Variants in PHACTR1 observed in about 807,000 individuals in gnomAD.
The protein encoded by PHACTR1 is RPEL repeat containing 1.
Under a neutral mutation model 69.2 loss-of-function variants are expected in PHACTR1, and 16 were observed. The observed-to-expected ratio is 0.23, with a 90% confidence interval of 0.16 to 0.35. The LOEUF is 0.35. PHACTR1 is among the 10% of genes least tolerant of loss of function. The pLI is 1.00. For synonymous variants in PHACTR1, 312 were observed against 284.5 expected, an observed-to-expected ratio of 1.10 and a Z score of -0.97; for missense variants, 510 against 734.7, an observed-to-expected ratio of 0.69 and a Z score of 3.54.
intron 4 of PHACTR1, among the ~76,000 whole-genome samples, chr6:12,776,253 T>C (rs1372844373): frequency 6.6e-6 from 1 of 152,212 alleles, no homozygotes; most frequent in Non-Finnish European, 1.5e-5. Flanking sequence ...TTTTCCTTGT[T>C]GATAGAAGAA....
In PHACTR1 at chr6:12,959,743, C is replaced by A. The variant is rs142477259; in HGVS notation, c.251-93622C>A. 6.0e-4 allele frequency among the ~76,000 whole-genome samples: 91 copies of A among 152,304 alleles called. No individual in the cohort carries two copies. In the East Asian group the frequency reaches 0.016, roughly 27 times the overall value. Reference sequence around the variant, plus strand: ...CAAGGCTCTTTAGTGCCTCCCAAATCACAGAAGATAACAAGATGCTCAAAA... The same window carrying A: ...CAAGGCTCTTTAGTGCCTCCCAAATAACAGAAGATAACAAGATGCTCAAAA... On this transcript the variant is annotated intron_variant, in intron 4 of 14. Transcript: ENST00000332995.
Position 13,042,865 on chromosome 6 carries a change from G to A in PHACTR1, c.251-10500G>A, listed in dbSNP as rs541656846. The stretch of plus-strand genomic sequence containing the variant: ...GTCTGTATTATCCCCATTTTACAGA[G>A]AGGAAGCCGATGGGACTTTCCTAAG... On this transcript the variant is annotated intron_variant, in intron 4 of 14. Coordinates refer to ENST00000332995, the MANE Select transcript of PHACTR1 (RefSeq NM_030948.6). Among the ~76,000 whole-genome samples, 3 of 152,310 alleles carry A rather than the reference G, an allele frequency of 2.0e-5. No individual in the cohort carries two copies. In the East Asian group the frequency reaches 5.8e-4, roughly 29 times the overall value.
chr6:13,226,132 T>C (rs1424734334), intron 8 of PHACTR1, among the ~76,000 whole-genome samples: 2 of 152,266 alleles, frequency 1.3e-5, no homozygotes, highest in African/African-American at 4.8e-5. Flanking sequence ...GATTTAATCC[T>C]ATTCAGTAGT....
chr6:12,751,369 T>C (rs1035015091), intron 4 of PHACTR1, among the ~76,000 whole-genome samples: 5 of 152,216 alleles, frequency 3.3e-5, no homozygotes, highest in Non-Finnish European at 4.4e-5. Context: ...TACTTCTATG[T>C]TTCAGATTCA....
intron 4 of PHACTR1, among the ~76,000 whole-genome samples, chr6:12,758,886 G>A (rs1363340725): frequency 6.6e-6 from 1 of 152,070 alleles, no homozygotes; most frequent in African/African-American, 2.4e-5. Flanking sequence ...GTTTTGGGAG[G>A]CTGAGGCGGG....
At chr6:12,996,901 C>G (rs1276326966) in intron 4 of PHACTR1, among the ~76,000 whole-genome samples, 1 of 152,198 alleles carries the variant, frequency 6.6e-6, no homozygotes, top group Non-Finnish European at 1.5e-5. Flanking sequence ...TGCGATGGCT[C>G]ACCCCTGTAA....
chr6:12,792,185 C>T (rs999043913), intron 4 of PHACTR1, among the ~76,000 whole-genome samples: 1 of 151,906 alleles, frequency 6.6e-6, no homozygotes, highest in Non-Finnish European at 1.5e-5. Flanking sequence ...AGAAAATGGG[C>T]CGGGCGCGGT....
chr6:13,157,411 C>T (rs368069370), intron 5 of PHACTR1, among the ~76,000 whole-genome samples: 5 of 152,246 alleles, frequency 3.3e-5, no homozygotes, highest in East Asian at 1.9e-4. Flanking sequence ...TCACATGAGT[C>T]TGTAAACTCT....
At chr6:13,224,266 T>G (rs1370287622) in intron 8 of PHACTR1, among the ~76,000 whole-genome samples, 1 of 152,184 alleles carries the variant, frequency 6.6e-6, no homozygotes, top group Non-Finnish European at 1.5e-5. Flanking sequence ...TTTTCACCCT[T>G]GAGGACTCTC....
intron 5 of PHACTR1, among the ~76,000 whole-genome samples, chr6:13,127,623 T>C (rs1819747262): frequency 6.6e-6 from 1 of 152,184 alleles, no homozygotes; most frequent in Non-Finnish European, 1.5e-5. Context: ...GTATACTTAC[T>C]GGTTTTTAAG....
intron 4 of PHACTR1, among the ~76,000 whole-genome samples, chr6:12,786,127 C>A (rs1034758604): frequency 6.6e-6 from 1 of 152,168 alleles, no homozygotes; most frequent in African/African-American, 2.4e-5. Flanking sequence ...GTGAATGGGA[C>A]CTTTGTAGTA....
intron 4 of PHACTR1, among the ~76,000 whole-genome samples, chr6:12,856,121 A>C (rs371830708): frequency 3.9e-5 from 6 of 152,198 alleles, no homozygotes; most frequent in African/African-American, 1.4e-4. Flanking sequence ...ATTCAACTAC[A>C]GCCCTATCTT....
intron 6 of PHACTR1, among the ~76,000 whole-genome samples, chr6:13,173,048 G>A (rs1015154870): frequency 1.3e-5 from 2 of 152,174 alleles, no homozygotes; most frequent in African/African-American, 4.8e-5. Flanking sequence ...GAAAATATAG[G>A]TTCCCTGGTC....
chr6:13,033,474 C>G (rs573613762), intron 4 of PHACTR1, among the ~76,000 whole-genome samples: 1 of 152,278 alleles, frequency 6.6e-6, no homozygotes, highest in African/African-American at 2.4e-5. Context: ...TGGCCATGCT[C>G]TGTTAAAATG....
At chr6:12,878,334 C>A (rs917267732) in intron 4 of PHACTR1, among the ~76,000 whole-genome samples, 9 of 152,144 alleles carry the variant, frequency 5.9e-5, no homozygotes, top group Non-Finnish European at 1.3e-4. Context: ...ATTTGATGAA[C>A]TTTTGAAAAA....
At chr6:13,017,348 T>A (rs1800345951) in intron 4 of PHACTR1, among the ~76,000 whole-genome samples, 1 of 152,132 alleles carries the variant, frequency 6.6e-6, no homozygotes, top group African/African-American at 2.4e-5. Flanking sequence ...TGTGTGTGTG[T>A]GATGTATACA....
At chr6:13,131,655 T>G (rs1820489238) in intron 5 of PHACTR1, among the ~76,000 whole-genome samples, 2 of 152,236 alleles carry the variant, frequency 1.3e-5, no homozygotes, top group Admixed American at 1.3e-4. Flanking sequence ...TTAAATTCCT[T>G]CAGTTCAAAA....
chr6:12,918,135 C>G (rs1349062321), intron 4 of PHACTR1, among the ~76,000 whole-genome samples: 1 of 152,306 alleles, frequency 6.6e-6, no homozygotes, highest in East Asian at 1.9e-4. Flanking sequence ...CATGGATCAC[C>G]TTTATAAGTC....
intron 8 of PHACTR1, among the ~76,000 whole-genome samples, chr6:13,208,059 C>CT (rs1361658433): frequency 6.6e-6 from 1 of 152,160 alleles, no homozygotes; most frequent in East Asian, 1.9e-4. Context: ...TGGCCCCTTG[C>CT]TGTCATTGGC....
Sources: gnomAD v4.1 joint callset for allele counts (sites outside exome capture counted in the v4.1 genomes callset) on GRCh38, gnomAD v4.1.1 for gene constraint, MANE v1.5 for transcripts, NCBI Gene and HGNC (gene_info 2026-07-23, HGNC 2026-07-21) for gene names.